Variants in COL4A2 observed in about 807,000 individuals in gnomAD.
The protein encoded by COL4A2 is collagen alpha-2(IV) chain.
Under a neutral mutation model 200.2 loss-of-function variants are expected in COL4A2, and 99 were observed. That is an observed-to-expected ratio of 0.49 (90% confidence interval 0.42 to 0.58). The LOEUF is 0.58. Ranked by LOEUF, COL4A2 falls within the 20% of genes least tolerant of loss-of-function variation. The pLI is 0.00. For missense variants in COL4A2, 1,950 were observed against 2,314.1 expected (o/e 0.84, Z 3.23); for synonymous variants, 897 against 900.6 (o/e 1.00, Z 0.07).
At chr13:110,309,320 T>C (rs1255437573) in intron 3 of COL4A2, among the ~76,000 whole-genome samples, 4 of 152,214 alleles carry the variant, frequency 2.6e-5, no homozygotes, top group Non-Finnish European at 4.4e-5. Context: ...GCCAAAGTTT[T>C]CTTCCAGTTC....
At chr13:110,366,399 T>C (rs372602257) in intron 4 of COL4A2, among the ~76,000 whole-genome samples, 60 of 152,236 alleles carry the variant, frequency 3.9e-4, no homozygotes, top group African/African-American at 1.4e-3. Context: ...CCTTTAGAGG[T>C]GGTCTACACA....
chr13:110,424,649 A>T (rs1880395962), intron 4 of COL4A2, 85 bp from the exon 5 acceptor site: 1 of 919,278 alleles, frequency 1.1e-6, no homozygotes, highest in South Asian at 1.9e-5. Flanking sequence ...ACAAAAAAAA[A>T]AATGTAGTTT....
intron 4 of COL4A2, among the ~76,000 whole-genome samples, chr13:110,387,278 C>A (rs986448841): frequency 1.3e-5 from 2 of 152,118 alleles, no homozygotes. Flanking sequence ...CGACTGATAC[C>A]CACATATACC....
chr13:110,490,986 G>A (rs2139535855), intron 36 of COL4A2, among the ~76,000 whole-genome samples: 1 of 152,268 alleles, frequency 6.6e-6, no homozygotes, highest in East Asian at 1.9e-4. Flanking sequence ...CATCCCTGGG[G>A]GTGTCCTGTT....
At chr13:110,418,392 G>A (rs1009308700) in intron 4 of COL4A2, among the ~76,000 whole-genome samples, 8 of 152,190 alleles carry the variant, frequency 5.3e-5, no homozygotes, top group African/African-American at 1.7e-4. Flanking sequence ...TCTTTTATAG[G>A]TTGTAATCTT....
intron 4 of COL4A2, among the ~76,000 whole-genome samples, chr13:110,409,093 C>T (rs919341579): frequency 2.9e-5 from 3 of 103,486 alleles, no homozygotes; most frequent in African/African-American, 7.0e-5. Context: ...CATATATACA[C>T]ACGGACACAT....
At chr13:110,439,621 G>C (rs1171991326) in intron 15 of COL4A2, among the ~76,000 whole-genome samples, 168 bp from the exon 16 acceptor site, 1 of 152,176 alleles carries the variant, frequency 6.6e-6, no homozygotes, top group Non-Finnish European at 1.5e-5. Flanking sequence ...TTAATAGTTG[G>C]TATTGAATTT....
chr13:110,373,261 C>T (rs376914809), intron 4 of COL4A2, among the ~76,000 whole-genome samples: 16 of 152,290 alleles, frequency 1.1e-4, no homozygotes, highest in East Asian at 9.6e-4. Context: ...GTGTTGTGAA[C>T]GCATTTTTTA....
At chr13:110,430,670 A>G in intron 10 of COL4A2, 63 bp downstream of exon 10, 1 of 1,604,660 alleles carries the variant, frequency 6.2e-7, no homozygotes, top group Non-Finnish European at 8.5e-7. Context: ...TCCAGATGCC[A>G]CTTCTTCAAT....
chr13:110,377,414 G>C lies in COL4A2; in HGVS notation c.180+19862G>C, dbSNP rs78268481. Among the ~76,000 whole-genome samples the C allele has an allele frequency of 3.1e-4, 47 of 152,178 alleles. No homozygotes were observed. The East Asian group carries it at 7.3e-3, about 24-fold the overall frequency. The stretch of plus-strand genomic sequence containing the variant: ...TCCTGACCCTCCAGTTTACTTTCTG[G>C]CTCTGGAGGTGCACTGAGCAAGGGC... On this transcript the variant is annotated intron_variant, in intron 4 of 47. Transcript: ENST00000360467.
chr13:110,456,174 G>C (rs572064827), intron 20 of COL4A2, among the ~76,000 whole-genome samples: 1 of 152,258 alleles, frequency 6.6e-6, no homozygotes, highest in Non-Finnish European at 1.5e-5. Context: ...ATTGAGCCCT[G>C]CAGGAGCTAG....
At chr13:110,409,730 T>G in intron 4 of COL4A2, among the ~76,000 whole-genome samples, 1 of 152,226 alleles carries the variant, frequency 6.6e-6, no homozygotes, top group East Asian at 1.9e-4. Context: ...AAATGAGCCA[T>G]GCATTATCTT....
intron 4 of COL4A2, among the ~76,000 whole-genome samples, chr13:110,368,994 G>A (rs1489334077): frequency 6.6e-6 from 1 of 152,132 alleles, no homozygotes; most frequent in Non-Finnish European, 1.5e-5. Context: ...GGATCACGAG[G>A]TCAAGAGATG....
At chr13:110,370,907 G>A (rs928856248) in intron 4 of COL4A2, among the ~76,000 whole-genome samples, 1 of 152,244 alleles carries the variant, frequency 6.6e-6, no homozygotes, top group African/African-American at 2.4e-5. Context: ...GGATAGCTAT[G>A]CAGCCATCTG....
In COL4A2 at chr13:110,490,903, T is replaced by C. The variant is rs753606626; in HGVS notation, c.3347-330T>C. Reference sequence around the variant, plus strand: ...AAAGGCTTTGGAGTGGAGCCTCCCCTGCATCCATCACCAGAAGACGGTATT... The same window carrying C: ...AAAGGCTTTGGAGTGGAGCCTCCCCCGCATCCATCACCAGAAGACGGTATT... On this transcript the variant is annotated intron_variant, in intron 36 of 47. Coordinates refer to ENST00000360467, the MANE Select transcript of COL4A2 (RefSeq NM_001846.4). Among the ~76,000 whole-genome samples, 95 of 152,168 alleles carry C rather than the reference T, an allele frequency of 6.2e-4. 1 individual carries two copies. Among genetic ancestry groups the C allele is most frequent in the Admixed American group, 2.5e-3 (38 of 15,286 alleles).
chr13:110,412,111 A>G (rs1028086215), intron 4 of COL4A2, among the ~76,000 whole-genome samples: 2 of 152,268 alleles, frequency 1.3e-5, no homozygotes, highest in South Asian at 2.1e-4. Context: ...AGGTCCGCCA[A>G]TACACAAATT....
chr13:110,467,013 C>G, intron 26 of COL4A2, 27 bp from the exon 27 acceptor site: 1 of 1,613,868 alleles, frequency 6.2e-7, no homozygotes, highest in Non-Finnish European at 8.5e-7. Flanking sequence ...ATTGCTTGGG[C>G]TCATCTTTTC....
At chr13:110,325,718 T>C (rs1885388857) in intron 3 of COL4A2, among the ~76,000 whole-genome samples, 1 of 152,198 alleles carries the variant, frequency 6.6e-6, no homozygotes, top group Non-Finnish European at 1.5e-5. Context: ...AGCTACACTT[T>C]GCTTTGTGCA....
At chr13:110,353,109 T>C (rs572751220) in intron 3 of COL4A2, among the ~76,000 whole-genome samples, 2 of 152,342 alleles carry the variant, frequency 1.3e-5, no homozygotes, top group African/African-American at 4.8e-5. Context: ...TTGATGTTTC[T>C]TTCATGAGCC....
Sources: gnomAD v4.1 joint callset for allele counts (sites outside exome capture counted in the v4.1 genomes callset) on GRCh38, gnomAD v4.1.1 for gene constraint, MANE v1.5 for transcripts, NCBI Gene and HGNC (gene_info 2026-07-23, HGNC 2026-07-21) for gene names.